FHOD3: variants seen among roughly 807,000 people sequenced by gnomAD.
FHOD3 encodes formin homology 2 domain containing 3, also known as FH1/FH2 domain-containing protein 3.
FHOD3 carries 90 observed loss-of-function variants against 173.0 expected under a neutral mutation model. That is an observed-to-expected ratio of 0.52 (90% CI 0.44 to 0.62). The LOEUF is 0.62. Among genes scored for constraint, FHOD3 ranks in the 20% least tolerant of loss-of-function variants. The pLI, the probability that FHOD3 is intolerant of heterozygous loss-of-function variation, is 0.00. For synonymous variants in FHOD3, 828 were observed against 823.0 expected (o/e 1.01, Z -0.10); for missense variants, 1,945 against 2,034.7 (o/e 0.96, Z 0.85).
At chr18:36,528,334 C>T (rs779596938) in intron 5 of FHOD3, among the ~76,000 whole-genome samples, 31 of 152,338 alleles carry the variant, frequency 2.0e-4, no homozygotes, top group Admixed American at 1.5e-3. Context: ...CCCATCAAGG[C>T]TGCCATACTG....
intron 3 of FHOD3, among the ~76,000 whole-genome samples, chr18:36,479,380 A>G (rs1319953382): frequency 6.6e-6 from 1 of 152,210 alleles, no homozygotes; most frequent in African/African-American, 2.4e-5. Context: ...AGTGAGCTGC[A>G]ATACAGTGGA....
At chr18:36,601,078 G>C (rs745726222) in intron 7 of FHOD3, among the ~76,000 whole-genome samples, 3 of 152,218 alleles carry the variant, frequency 2.0e-5, no homozygotes, top group South Asian at 2.1e-4. Flanking sequence ...TTACTTTGCA[G>C]TGGTTGGAAG....
chr18:36,306,390 C>G (rs1397933541), intron 1 of FHOD3, among the ~76,000 whole-genome samples: 1 of 152,144 alleles, frequency 6.6e-6, no homozygotes, highest in Non-Finnish European at 1.5e-5. Context: ...TACAGTAGGT[C>G]TTGATGATGT....
At chr18:36,654,391 C>A (rs7237282) in intron 13 of FHOD3, among the ~76,000 whole-genome samples, 1 of 152,076 alleles carries the variant, frequency 6.6e-6, no homozygotes, top group Non-Finnish European at 1.5e-5. Context: ...TTTTGAGAAG[C>A]CTGTCTACAG....
chr18:36,625,877 C>T (rs1422897474), intron 10 of FHOD3, 128 bp downstream of exon 10: 3 of 757,652 alleles, frequency 4.0e-6, no homozygotes, highest in African/African-American at 3.6e-5. Flanking sequence ...CCTACCTCTT[C>T]TTGACCATTA....
chr18:36,546,652 G>A (rs2057421734), intron 5 of FHOD3, among the ~76,000 whole-genome samples: 1 of 152,140 alleles, frequency 6.6e-6, no homozygotes, highest in Non-Finnish European at 1.5e-5. Flanking sequence ...CGCAAGATGA[G>A]GCAAATGTTT....
intron 2 of FHOD3, among the ~76,000 whole-genome samples, chr18:36,366,493 T>C (rs1428490129): frequency 6.6e-6 from 1 of 152,164 alleles, no homozygotes; most frequent in African/African-American, 2.4e-5. Context: ...CAGGAGAAGG[T>C]AGACATTATC....
intron 5 of FHOD3, among the ~76,000 whole-genome samples, chr18:36,557,380 T>C (rs559144163): frequency 6.6e-6 from 1 of 152,282 alleles, no homozygotes; most frequent in African/African-American, 2.4e-5. Flanking sequence ...TTTGTTTCTA[T>C]TGCTACATCT....
intron 10 of FHOD3, among the ~76,000 whole-genome samples, chr18:36,635,942 T>C (rs1266440538): frequency 6.6e-6 from 1 of 152,182 alleles, no homozygotes; most frequent in Non-Finnish European, 1.5e-5. Context: ...TATCATCAAG[T>C]GTGACTGTTT....
chr18:36,453,259 G>T (rs182789889), intron 3 of FHOD3, among the ~76,000 whole-genome samples: 15 of 152,182 alleles, frequency 9.9e-5, no homozygotes, highest in African/African-American at 3.6e-4. Flanking sequence ...GCATCTCTGG[G>T]TATAAAAATT....
chr18:36,334,640 T>C (rs1053723401), intron 1 of FHOD3, among the ~76,000 whole-genome samples: 2 of 152,184 alleles, frequency 1.3e-5, no homozygotes, highest in African/African-American at 4.8e-5. Context: ...GATCAGAATG[T>C]CTCAGTCTGG....
intron 3 of FHOD3, among the ~76,000 whole-genome samples, chr18:36,436,885 C>T (rs1184429190): frequency 6.6e-6 from 1 of 152,212 alleles, no homozygotes; most frequent in Non-Finnish European, 1.5e-5. Context: ...ACCTCTTTCC[C>T]TATTTTCATC....
At chr18:36,552,443 CAG>C (rs530956870) in intron 5 of FHOD3, among the ~76,000 whole-genome samples, 24 of 151,954 alleles carry the variant, frequency 1.6e-4, no homozygotes, top group Non-Finnish European at 2.9e-4. Flanking sequence ...CATCTGCAAA[CAG>C]GGACAATTTG....
At chr18:36,455,678 C>T (rs1265597859) in intron 3 of FHOD3, among the ~76,000 whole-genome samples, 5 of 151,722 alleles carry the variant, frequency 3.3e-5, no homozygotes, top group East Asian at 1.9e-4. Flanking sequence ...AAATATAAAC[C>T]GTGCTATGGG....
intron 26 of FHOD3, among the ~76,000 whole-genome samples, chr18:36,760,097 C>T (rs983791531): frequency 1.3e-5 from 2 of 152,136 alleles, no homozygotes; most frequent in Non-Finnish European, 2.9e-5. Flanking sequence ...AAGAATTCTT[C>T]CCAACTCTTA....
At chr18:36,663,329 A>G (rs1187445613) in intron 14 of FHOD3, among the ~76,000 whole-genome samples, 1 of 152,168 alleles carries the variant, frequency 6.6e-6, no homozygotes, top group African/African-American at 2.4e-5. Flanking sequence ...TTGTTTATGC[A>G]TCGGTGTGTT....
chr18:36,680,250 A>G (rs1253161435), intron 14 of FHOD3, among the ~76,000 whole-genome samples: 3 of 152,038 alleles, frequency 2.0e-5, no homozygotes, highest in African/African-American at 4.8e-5. Context: ...TAGGTGACTC[A>G]CCTTTTCTAG....
intron 3 of FHOD3, among the ~76,000 whole-genome samples, chr18:36,446,602 G>A (rs796399986): frequency 1.3e-5 from 2 of 152,236 alleles, no homozygotes; most frequent in African/African-American, 4.8e-5. Context: ...AGAATTGCGG[G>A]AGGAGCTGCA....
At chr18:36,396,105 G>A (rs2048543373) in intron 3 of FHOD3, among the ~76,000 whole-genome samples, 1 of 152,094 alleles carries the variant, frequency 6.6e-6, no homozygotes, top group Admixed American at 6.5e-5. Context: ...CGTATATAAA[G>A]TATTGCTTTT....
Sources: allele counts gnomAD v4.1 joint callset (sites outside exome capture counted in the v4.1 genomes callset), GRCh38; gene constraint gnomAD v4.1.1; transcripts MANE v1.5; gene names NCBI Gene and HGNC (gene_info 2026-07-23, HGNC 2026-07-21).